RXRA: variants seen among roughly 807,000 people sequenced by gnomAD.
RXRA encodes retinoic acid receptor RXR-alpha.
A neutral mutation model predicts 44.5 loss-of-function variants in RXRA; 5 were observed. The observed-to-expected ratio is 0.11, with a 90% CI of 0.06 to 0.24. The LOEUF (loss-of-function observed/expected upper bound fraction) is 0.24. Among genes scored for constraint, RXRA ranks in the 10% least tolerant of loss-of-function variants. The pLI, the probability that RXRA is intolerant of heterozygous loss-of-function variation, is 1.00. For missense variants in RXRA, 412 were observed against 646.5 expected, an observed-to-expected ratio of 0.64 and a Z score of 3.93; for synonymous variants, 291 against 271.4, an observed-to-expected ratio of 1.07 and a Z score of -0.71.
chr9:134,351,733 G>A (rs190934138), intron 1 of RXRA, among the ~76,000 whole-genome samples: 10 of 152,374 alleles, frequency 6.6e-5, no homozygotes, highest in Non-Finnish European at 8.8e-5. Flanking sequence ...AGGCCGAGAT[G>A]TAATAACCAA....
Position 134,357,017 on chromosome 9 carries a change from G to A in RXRA, c.28+30358G>A, listed in dbSNP as rs78157001. Among the ~76,000 whole-genome samples the A allele has an allele frequency of 1.6e-4, 24 of 152,364 alleles. No individual in the cohort carries two copies. The East Asian group carries it at 3.9e-3, about 24-fold the overall frequency. On this transcript the variant is annotated intron_variant, in intron 1 of 9. Coordinates refer to ENST00000481739, the MANE Select transcript of RXRA (RefSeq NM_002957.6). Reference sequence around the variant, plus strand: ...AGCTCAGAGGCCCCCAGGCAGAGCCGGGGAGGCGTGAAGGCATAGCCAGGG... The same window carrying A: ...AGCTCAGAGGCCCCCAGGCAGAGCCAGGGAGGCGTGAAGGCATAGCCAGGG...
chr9:134,416,516 C>G (rs1831237374), intron 4 of RXRA, among the ~76,000 whole-genome samples: 1 of 152,170 alleles, frequency 6.6e-6, no homozygotes, highest in Admixed American at 6.5e-5. Flanking sequence ...GGTGGGCCGT[C>G]TCTGTGTGGC....
At chr9:134,331,343 G>A (rs1835001761) in intron 1 of RXRA, among the ~76,000 whole-genome samples, 1 of 152,266 alleles carries the variant, frequency 6.6e-6, no homozygotes, top group Admixed American at 6.5e-5. Context: ...GTGAAATGGA[G>A]CAGAAAGCAG....
chr9:134,420,556 C>T (rs572772464), intron 5 of RXRA, among the ~76,000 whole-genome samples: 1 of 152,370 alleles, frequency 6.6e-6, no homozygotes, highest in East Asian at 1.9e-4. Context: ...ACTCCGCCCT[C>T]AGAGGCCTTT....
intron 7 of RXRA, among the ~76,000 whole-genome samples, chr9:134,429,618 C>T (rs1451299438): frequency 5.3e-5 from 8 of 152,292 alleles, no homozygotes; most frequent in South Asian, 2.1e-4. Context: ...ACGGTAATGC[C>T]GTGGCAGCCC....
intron 1 of RXRA, among the ~76,000 whole-genome samples, chr9:134,384,172 C>T (rs529566375): frequency 4.6e-5 from 7 of 152,036 alleles, no homozygotes; most frequent in Non-Finnish European, 8.8e-5. Flanking sequence ...CTGGACCCTC[C>T]TCAGTGTCAC....
chr9:134,408,000 G>T lies in RXRA; in HGVS notation c.280-149G>T. On this transcript the variant is annotated intron_variant, in intron 2 of 9. Coordinates refer to ENST00000481739, the MANE Select transcript of RXRA (RefSeq NM_002957.6). The surrounding 1 kb of genome is among the most constrained non-coding windows in gnomAD (Gnocchi z 4.8). ...AGTGGCCCCGCTGCTCCGGAGCAGCGTGGCGGGTGGGGGGCACGGCCCTCT... is the reference window on the plus strand; with the variant it reads ...AGTGGCCCCGCTGCTCCGGAGCAGCTTGGCGGGTGGGGGGCACGGCCCTCT... The T allele has an allele frequency of 1.8e-6, 1 of 562,062 alleles. No homozygotes were observed. Among genetic ancestry groups the T allele is most frequent in the East Asian group, 3.3e-5 (1 of 29,868 alleles). The allele number at this position is 562,062 out of a possible 1,614,324, so 34.8% of individuals were successfully genotyped here. A position where few individuals can be genotyped will look rare whatever the true frequency, so the allele number is the denominator to read the frequency against.
intron 6 of RXRA, chr9:134,424,451 C>T (rs1831401309): frequency 2.0e-6 from 2 of 985,324 alleles, no homozygotes; most frequent in South Asian, 9.4e-5. Context: ...CCAGTGGGCC[C>T]TGCTCATGCA....
chr9:134,402,219 T>G, intron 2 of RXRA: 2 of 332,612 alleles, frequency 6.0e-6, no homozygotes, highest in Non-Finnish European at 1.1e-5. Context: ...CCCTCAGGCC[T>G]AAGCCTGCTT....
chr9:134,425,631 G>C, intron 6 of RXRA: 4 of 983,680 alleles, frequency 4.1e-6, no homozygotes, highest in Non-Finnish European at 4.8e-6. Flanking sequence ...GAGGGGCCAG[G>C]CTTAGGTAGC....
rs1016765676 is a variant in RXRA at position 134,417,859 on chromosome 9, C to A, written c.780+532C>A. On this transcript the variant is annotated intron_variant, in intron 5 of 9. Transcript: ENST00000481739. This position sits in a 1 kb window ranked among gnomAD's most constrained non-coding sequence, Gnocchi z 6.1. ...AGCTCTGCAGCCCCCCAGCTGGTCA[C>A]CCCCATGCTGACCCTCCTGCCCCCT... Among the ~76,000 whole-genome samples, 1 of 152,050 alleles carries A rather than the reference C, an allele frequency of 6.6e-6. No individual in the cohort carries two copies. Among genetic ancestry groups the A allele is most frequent in the Non-Finnish European group, 1.5e-5 (1 of 67,976 alleles).
intron 1 of RXRA, among the ~76,000 whole-genome samples, chr9:134,370,650 G>A (rs768172409): frequency 2.6e-5 from 4 of 152,200 alleles, no homozygotes; most frequent in African/African-American, 7.2e-5. Flanking sequence ...GTCCTTCCTC[G>A]CCACCTGCAA....
intron 1 of RXRA, among the ~76,000 whole-genome samples, chr9:134,328,930 G>T (rs984001407): frequency 6.6e-6 from 1 of 152,200 alleles, no homozygotes; most frequent in Admixed American, 6.5e-5. Context: ...TGAGTGCAGC[G>T]TCCAGATCTG....
At chr9:134,387,672 G>A (rs970779508) in intron 1 of RXRA, among the ~76,000 whole-genome samples, 11 of 152,220 alleles carry the variant, frequency 7.2e-5, no homozygotes, top group Admixed American at 2.0e-4. Flanking sequence ...TCACAGAGCC[G>A]TCCATGAGCG....
At chr9:134,399,581 C>T (rs147155509) in intron 1 of RXRA, among the ~76,000 whole-genome samples, 1 of 152,308 alleles carries the variant, frequency 6.6e-6, no homozygotes, top group East Asian at 1.9e-4. Context: ...CATGTGGGTC[C>T]TGCCTGTCCT....
At chr9:134,364,866 T>TTTGG (rs1452060455) in intron 1 of RXRA, among the ~76,000 whole-genome samples, 1 of 152,206 alleles carries the variant, frequency 6.6e-6, no homozygotes, top group Non-Finnish European at 1.5e-5. Context: ...GAGCGTGGAC[T>TTTGG]TTGGCATCCC....
At chr9:134,370,162 T>A (rs912544606) in intron 1 of RXRA, among the ~76,000 whole-genome samples, 8 of 152,196 alleles carry the variant, frequency 5.3e-5, no homozygotes, top group African/African-American at 1.9e-4. Flanking sequence ...AGGATGACTG[T>A]CTGTCCCATG....
At chr9:134,388,335 G>A (rs1048383152) in intron 1 of RXRA, among the ~76,000 whole-genome samples, 2 of 151,410 alleles carry the variant, frequency 1.3e-5, no homozygotes, top group Non-Finnish European at 2.9e-5. Flanking sequence ...ACGTGTTGGG[G>A]TCACTACGGG....
chr9:134,329,744 C>T (rs1304453134), intron 1 of RXRA, among the ~76,000 whole-genome samples: 2 of 152,224 alleles, frequency 1.3e-5, no homozygotes, highest in African/African-American at 2.4e-5. Flanking sequence ...TCACCTCCAC[C>T]AGGAGGCCCC....
Sources: gnomAD v4.1 joint callset for allele counts (sites outside exome capture counted in the v4.1 genomes callset) on GRCh38, gnomAD v4.1.1 for gene constraint, Gnocchi (gnomAD v3.1) non-coding constraint, MANE v1.5 for transcripts, NCBI Gene and HGNC (gene_info 2026-07-23, HGNC 2026-07-21) for gene names.